Variants in BCL2 observed in about 807,000 individuals in gnomAD.
The protein encoded by BCL2 is BCL2 apoptosis regulator, also known as apoptosis regulator Bcl-2.
BCL2 carries 1 observed loss-of-function variant against 14.2 expected under a neutral mutation model. The ratio of observed to expected loss-of-function variants is 0.07; its 90% CI spans 0.02 to 0.33. The LOEUF (loss-of-function observed/expected upper bound fraction) is 0.33, where lower values mean the gene tolerates loss of function less well. Ranked by LOEUF, BCL2 falls within the 10% of genes least tolerant of loss-of-function variation. The probability of loss-of-function intolerance (pLI) is 0.99; values close to 1 mark genes in which losing one functional copy is unlikely to be tolerated. For missense variants in BCL2, 247 were observed against 305.9 expected (o/e 0.81, Z 1.44); for synonymous variants, 151 against 137.2 (o/e 1.10, Z -0.70).
intron 2 of BCL2, among the ~76,000 whole-genome samples, chr18:63,200,152 C>G (rs985133588): frequency 2.0e-5 from 3 of 152,188 alleles, no homozygotes; most frequent in Non-Finnish European, 4.4e-5. Context: ...GCACAAACCT[C>G]GCCTCCCTCA....
intron 2 of BCL2, among the ~76,000 whole-genome samples, chr18:63,282,497 A>G (rs567533664): frequency 6.6e-6 from 1 of 152,322 alleles, no homozygotes; most frequent in South Asian, 2.1e-4. Context: ...AGTTGACTTC[A>G]TTTATTTGTC....
chr18:63,217,169 G>T (rs1648431442), intron 2 of BCL2, among the ~76,000 whole-genome samples: 1 of 152,124 alleles, frequency 6.6e-6, no homozygotes, highest in African/African-American at 2.4e-5. Context: ...TATAACTGAA[G>T]GCAAACAATT....
intron 2 of BCL2, among the ~76,000 whole-genome samples, chr18:63,269,135 A>G (rs1911926906): frequency 6.6e-6 from 1 of 151,760 alleles, no homozygotes; most frequent in African/African-American, 2.4e-5. Context: ...AAAAAATTCT[A>G]TAGAGATGGG....
intron 2 of BCL2, among the ~76,000 whole-genome samples, chr18:63,133,963 T>C (rs1485277923): frequency 2.0e-5 from 3 of 152,198 alleles, no homozygotes; most frequent in Non-Finnish European, 4.4e-5. Flanking sequence ...AGTCATACCC[T>C]ATAGTTATTG....
intron 2 of BCL2, among the ~76,000 whole-genome samples, chr18:63,273,736 C>G (rs571914505): frequency 6.6e-6 from 1 of 152,208 alleles, no homozygotes; most frequent in African/African-American, 2.4e-5. Flanking sequence ...CCCTGACCAC[C>G]CACCCCTCAC....
At position 63,128,529 on chromosome 18, in the gene BCL2, T is replaced by G; in HGVS notation, c.*96A>C. ...GTGTGTTATTTTTTCTTAAACAGCCTGCAGCTTTGTTTCATGGTACATCAC... is the reference window on the plus strand; with the variant it reads ...GTGTGTTATTTTTTCTTAAACAGCCGGCAGCTTTGTTTCATGGTACATCAC... On this transcript the variant is annotated 3_prime_UTR_variant, in exon 3 of 3. Transcript: ENST00000333681. The G allele has an allele frequency of 2.8e-6, 2 of 702,858 alleles. No homozygotes were observed. The highest frequency in any genetic ancestry group is 5.0e-5 in the East Asian group (2 of 40,386). The allele number at this position is 702,858 out of a possible 1,614,324, so 43.5% of individuals were successfully genotyped here.
intron 2 of BCL2, among the ~76,000 whole-genome samples, chr18:63,226,978 G>A (rs897267387): frequency 2.6e-5 from 4 of 151,908 alleles, no homozygotes; most frequent in African/African-American, 7.3e-5. Context: ...TTTCAGAATC[G>A]GTGAATGTCA....
intron 2 of BCL2, among the ~76,000 whole-genome samples, chr18:63,198,503 GAC>G (rs1198244717): frequency 2.1e-5 from 2 of 96,414 alleles, no homozygotes; most frequent in Admixed American, 1.1e-4. Context: ...GACACACATT[GAC>G]ACACAGACAC....
chr18:63,154,744 C>T (rs1241487072), intron 2 of BCL2, among the ~76,000 whole-genome samples: 1 of 152,204 alleles, frequency 6.6e-6, no homozygotes, highest in Non-Finnish European at 1.5e-5. Flanking sequence ...GAACTCACTG[C>T]CACCTGTCTC....
intron 2 of BCL2, among the ~76,000 whole-genome samples, chr18:63,245,316 C>T (rs1446799906): frequency 6.6e-6 from 1 of 152,156 alleles, no homozygotes; most frequent in Non-Finnish European, 1.5e-5. Flanking sequence ...TGGTTCTGAG[C>T]TTGTAGATGG....
At chr18:63,308,951 G>T (rs937267331) in intron 2 of BCL2, among the ~76,000 whole-genome samples, 7 of 152,146 alleles carry the variant, frequency 4.6e-5, no homozygotes, top group Admixed American at 4.6e-4. Context: ...TATTAATAAG[G>T]AAGTCTCAAT....
At position 63,167,335 on chromosome 18, in the gene BCL2, C is replaced by T. The variant is rs149188965; in HGVS notation, c.586-38576G>A. Among the ~76,000 whole-genome samples the T allele has an allele frequency of 1.0e-3, 154 of 152,274 alleles. 1 individual carries two copies. Among genetic ancestry groups the T allele is most frequent in the Admixed American group, 2.2e-3 (33 of 15,296 alleles). On this transcript the variant is annotated intron_variant, in intron 2 of 2. Coordinates refer to ENST00000333681, the MANE Select transcript of BCL2 (RefSeq NM_000633.3). ...CAACATCCATCATCCATCCATCTAGCCTTCTAGGACATTTTAAATACATAA... is the reference window on the plus strand; with the variant it reads ...CAACATCCATCATCCATCCATCTAGTCTTCTAGGACATTTTAAATACATAA...
rs926924754 is a variant in BCL2 at position 63,176,673 on chromosome 18, T to A, written c.586-47914A>T. Among the ~76,000 whole-genome samples the A allele has an allele frequency of 2.6e-5, 4 of 152,360 alleles. No individual in the cohort carries two copies. The East Asian group carries it at 7.7e-4, about 29-fold the overall frequency. On this transcript the variant is annotated intron_variant, in intron 2 of 2. Transcript: ENST00000333681. ...GTGATATTTTGATACATGCATACAA[T>A]ACCTAACAAATCAGAGTGTTTAGGA...
At chr18:63,289,325 G>A (rs948130575) in intron 2 of BCL2, among the ~76,000 whole-genome samples, 4 of 152,198 alleles carry the variant, frequency 2.6e-5, no homozygotes, top group African/African-American at 9.7e-5. Context: ...AATCAGCGGG[G>A]TCACTCCCAA....
intron 2 of BCL2, among the ~76,000 whole-genome samples, chr18:63,259,822 A>G (rs1911603185): frequency 6.6e-6 from 1 of 152,238 alleles, no homozygotes; most frequent in African/African-American, 2.4e-5. Context: ...ATTGAACAGA[A>G]AGAATAAAAT....
intron 2 of BCL2, among the ~76,000 whole-genome samples, chr18:63,245,716 A>T (rs1305025461): frequency 6.6e-6 from 1 of 152,068 alleles, no homozygotes; most frequent in Non-Finnish European, 1.5e-5. Context: ...GATACCATTT[A>T]CTATTGTTAT....
chr18:63,237,419 G>A (rs1403904368), intron 2 of BCL2, among the ~76,000 whole-genome samples: 5 of 152,148 alleles, frequency 3.3e-5, no homozygotes, highest in Non-Finnish European at 7.3e-5. Flanking sequence ...TTAAAAATGC[G>A]ATACAAGATC....
chr18:63,193,582 ATGTGTGTGTGTGTG>A (rs201003163), intron 2 of BCL2, among the ~76,000 whole-genome samples: 4 of 139,364 alleles, frequency 2.9e-5, no homozygotes, highest in East Asian at 4.3e-4. Flanking sequence ...AGTAGTATGT[ATGTGTGTGTGTGTG>A]TGTGTGTGTG....
At chr18:63,194,913 T>C (rs1247925063) in intron 2 of BCL2, among the ~76,000 whole-genome samples, 1 of 152,152 alleles carries the variant, frequency 6.6e-6, no homozygotes, top group Non-Finnish European at 1.5e-5. Flanking sequence ...CCTGGGGAAG[T>C]CCTGGTAACC....
Sources: gnomAD v4.1 joint callset for allele counts (sites outside exome capture counted in the v4.1 genomes callset) on GRCh38, gnomAD v4.1.1 for gene constraint, MANE v1.5 for transcripts, NCBI Gene and HGNC (gene_info 2026-07-23, HGNC 2026-07-21) for gene names.